The following SYNCRIP variants were observed in gnomAD, a reference collection of about 807,000 sequenced individuals.
SYNCRIP encodes heterogeneous nuclear ribonucleoprotein Q.
A neutral mutation model predicts 68.9 loss-of-function variants in SYNCRIP; 9 were observed. That is an observed-to-expected ratio of 0.13 (90% CI 0.08 to 0.23). The LOEUF is 0.23. Among genes scored for constraint, SYNCRIP ranks in the 10% least tolerant of loss-of-function variants. The pLI is 1.00. For synonymous variants in SYNCRIP, 258 were observed against 254.0 expected (o/e 1.02, Z -0.15); for missense variants, 414 against 770.6 (o/e 0.54, Z 5.48).
At chr6:85,641,933 T>C (rs1179615444) in intron 1 of SYNCRIP, among the ~76,000 whole-genome samples, 1 of 152,098 alleles carries the variant, frequency 6.6e-6, no homozygotes, top group Non-Finnish European at 1.5e-5. Context: ...TTCTCCACCC[T>C]TTAACCCCGC....
chr6:85,615,647 A>G (rs1377411613), intron 10 of SYNCRIP, among the ~76,000 whole-genome samples: 2 of 152,222 alleles, frequency 1.3e-5, no homozygotes, highest in African/African-American at 4.8e-5. Context: ...TTTAGCTGTC[A>G]AATTTGCCAC....
At chr6:85,618,431 C>T (rs1269660272) in intron 10 of SYNCRIP, among the ~76,000 whole-genome samples, 4 of 151,304 alleles carry the variant, frequency 2.6e-5, no homozygotes, top group Non-Finnish European at 5.9e-5. Context: ...AACCCAGCTA[C>T]TCAGAAGACT....
chr6:85,636,918 A>G (rs1353501217), intron 6 of SYNCRIP, 49 bp downstream of exon 6: 4 of 1,529,472 alleles, frequency 2.6e-6, no homozygotes, highest in Non-Finnish European at 3.5e-6. Flanking sequence ...AAAACTTGAT[A>G]TTAAAGACAG....
chr6:85,639,930 T>C (rs1808931128), intron 4 of SYNCRIP, among the ~76,000 whole-genome samples: 1 of 152,224 alleles, frequency 6.6e-6, no homozygotes, highest in Non-Finnish European at 1.5e-5. Context: ...GTCAATAAGC[T>C]GGCTTTGCAG....
At chr6:85,619,659 A>AAGAT (rs75229776) in intron 8 of SYNCRIP, among the ~76,000 whole-genome samples, 1 of 152,242 alleles carries the variant, frequency 6.6e-6, no homozygotes, top group Non-Finnish European at 1.5e-5. Context: ...GAATCTCATG[A>AAGAT]AGATGCTCAA....
chr6:85,614,594 C>G lies in SYNCRIP; in HGVS notation c.*162G>C. 1 of 1,292,398 alleles carries G rather than the reference C, an allele frequency of 7.7e-7. No individual in the cohort carries two copies. The highest frequency in any genetic ancestry group is 2.8e-5 in the South Asian group (1 of 35,710). 80.1% of individuals were successfully genotyped at this position (1,292,398 alleles called of 1,614,324 possible). A position where few individuals can be genotyped will look rare whatever the true frequency, so the allele number is the denominator to read the frequency against. On this transcript the variant is annotated 3_prime_UTR_variant, in exon 11 of 11. Transcript: ENST00000369622. ...AAAAATAAAATCAGTTCGCCAGAAG[C>G]AGTTAGAAGTGTGGCTTTGTTCGTG...
chr6:85,639,214 A>G (rs971007005), intron 4 of SYNCRIP, among the ~76,000 whole-genome samples: 2 of 145,870 alleles, frequency 1.4e-5, no homozygotes, highest in African/African-American at 2.4e-5. Context: ...TCTCCCAAAA[A>G]CAAACAAACA....
chr6:85,609,805 T>G (rs985333270), downstream of SYNCRIP: 1 of 151,896 alleles, frequency 6.6e-6, no homozygotes, highest in Non-Finnish European at 1.5e-5. Context: ...AAGAATACAT[T>G]TTTTACCCCA....
intron 4 of SYNCRIP, among the ~76,000 whole-genome samples, chr6:85,639,890 A>C (rs142387925): frequency 9.3e-4 from 142 of 152,288 alleles, no homozygotes; most frequent in African/African-American, 3.4e-3. Flanking sequence ...GCCAGTTGCC[A>C]AATGTACATT....
At chr6:85,626,936 T>C (rs1807103349) in intron 6 of SYNCRIP, among the ~76,000 whole-genome samples, 1 of 152,102 alleles carries the variant, frequency 6.6e-6, no homozygotes, top group African/African-American at 2.4e-5. Flanking sequence ...ATCTATAAAA[T>C]AAACTGCTGA....
intron 6 of SYNCRIP, among the ~76,000 whole-genome samples, chr6:85,635,365 C>G (rs1808317228): frequency 6.6e-6 from 1 of 152,108 alleles, no homozygotes; most frequent in Non-Finnish European, 1.5e-5. Flanking sequence ...TCTAAATTCT[C>G]AAATTCTCTT....
In SYNCRIP at chr6:85,622,682, G is replaced by C. The variant is rs1366622932; in HGVS notation, c.808C>G (p.Leu270Val). 1 of 1,613,734 alleles carries C rather than the reference G, an allele frequency of 6.2e-7. No individual in the cohort carries two copies. Residue 270 changes from leucine to valine, a missense_variant, in exon 8 of 11, where the codon CTT (leucine) becomes GTT (valine). Coordinates refer to ENST00000369622, the MANE Select transcript of SYNCRIP (RefSeq NM_006372.5). ...TGGTGGTATAAAATGACGTCTGTAA[G>C]ACCCTCTGCAAGTAAGCAACCATTC... is the stretch of plus-strand genomic sequence containing the variant. Reference protein sequence around the residue: ...LEEFSKVTEGLTDVILYHQPD... With the variant: ...LEEFSKVTEGVTDVILYHQPD...
At chr6:85,628,064 T>C (rs1490955291) in intron 6 of SYNCRIP, among the ~76,000 whole-genome samples, 2 of 152,130 alleles carry the variant, frequency 1.3e-5, no homozygotes, top group African/African-American at 4.8e-5. Flanking sequence ...TTTCTTTTTT[T>C]TTTCTTTTTG....
At chr6:85,639,066 G>A (rs1808818356) in intron 4 of SYNCRIP, among the ~76,000 whole-genome samples, 2 of 152,140 alleles carry the variant, frequency 1.3e-5, no homozygotes, top group African/African-American at 4.8e-5. Context: ...AAATCAGCTG[G>A]GCCTGGTGGC....
downstream of SYNCRIP, among the ~76,000 whole-genome samples, chr6:85,613,601 T>C (rs1349504629): frequency 1.3e-5 from 2 of 152,240 alleles, no homozygotes; most frequent in African/African-American, 4.8e-5. Context: ...ATTAGATCTT[T>C]AATACAAACC....
At position 85,614,647 on chromosome 6, in the gene SYNCRIP, T is replaced by C. The variant is rs1470828325; in HGVS notation, c.*109A>G. The stretch of plus-strand genomic sequence containing the variant: ...CAAGCGGATTGTTAAAATATATACA[T>C]AAAGGGAAATCTTGCCAGATGTCAC... On this transcript the variant is annotated 3_prime_UTR_variant, in exon 11 of 11. Coordinates refer to ENST00000369622, the MANE Select transcript of SYNCRIP (RefSeq NM_006372.5). 3.5e-6 allele frequency: 5 copies of C among 1,420,442 alleles called. No homozygotes were observed. Among genetic ancestry groups the C allele is most frequent in the Admixed American group, 3.2e-5 (1 of 31,740 alleles). 88.0% of individuals were successfully genotyped at this position (1,420,442 alleles called of 1,614,324 possible). A position where few individuals can be genotyped will look rare whatever the true frequency, so the allele number is the denominator to read the frequency against.
downstream of SYNCRIP, chr6:85,613,023 A>C (rs1379385244): frequency 7.2e-7 from 1 of 1,385,850 alleles, no homozygotes; most frequent in Admixed American, 2.4e-5. Context: ...TTAACATGGT[A>C]ATTCTAAATA....
chr6:85,624,597 G>C (rs913605519), intron 6 of SYNCRIP, among the ~76,000 whole-genome samples: 1 of 152,174 alleles, frequency 6.6e-6, no homozygotes, highest in Non-Finnish European at 1.5e-5. Flanking sequence ...AAATCCAACT[G>C]TACTTTTTCC....
At chr6:85,639,278 C>T (rs974305830) in intron 4 of SYNCRIP, among the ~76,000 whole-genome samples, 3 of 152,136 alleles carry the variant, frequency 2.0e-5, no homozygotes. Context: ...AGCTAAAAGT[C>T]ACAAACTAAA....
Sources: gnomAD v4.1 joint callset for allele counts (sites outside exome capture counted in the v4.1 genomes callset) on GRCh38, gnomAD v4.1.1 for gene constraint, MANE v1.5 for transcripts, NCBI Gene and HGNC (gene_info 2026-07-23, HGNC 2026-07-21) for gene names.